The following GALNT14 variants were observed in gnomAD, a reference collection of about 807,000 sequenced individuals.
GALNT14 encodes the protein polypeptide N-acetylgalactosaminyltransferase 14, also known as UDP-GalNAc:polypeptide N-acetylgalactosaminyltransferase 14.
In GALNT14, 60 loss-of-function variants were observed where a neutral mutation model predicts 77.5. The ratio of observed to expected loss-of-function variants is 0.77; its 90% CI spans 0.63 to 0.96. The LOEUF (loss-of-function observed/expected upper bound fraction) is 0.96. GALNT14 is among the 40% of genes least tolerant of loss of function. The pLI, the probability that GALNT14 is intolerant of heterozygous loss-of-function variation, is 0.00. For missense variants in GALNT14, 710 were observed against 731.0 expected (o/e 0.97, Z 0.33); for synonymous variants, 280 against 281.7 (o/e 0.99, Z 0.06).
intron 1 of GALNT14, among the ~76,000 whole-genome samples, chr2:31,021,458 C>T (rs79039287): frequency 0.036 from 5,448 of 151,586 alleles, 316 homozygotes; most frequent in African/African-American, 0.12. Flanking sequence ...GCGCCCACCA[C>T]GACACCTGGC....
chr2:30,944,581 T>C (rs950463731), intron 8 of GALNT14, among the ~76,000 whole-genome samples: 1 of 152,148 alleles, frequency 6.6e-6, no homozygotes, highest in Non-Finnish European at 1.5e-5. Flanking sequence ...CAACCAACGT[T>C]GGGCTCCGAC....
intron 1 of GALNT14, among the ~76,000 whole-genome samples, chr2:31,016,737 C>G (rs1671390390): frequency 6.6e-6 from 1 of 152,284 alleles, no homozygotes; most frequent in East Asian, 1.9e-4. Context: ...TTGAAATCTC[C>G]TACTATGAGA....
intron 1 of GALNT14, among the ~76,000 whole-genome samples, chr2:31,075,818 C>T (rs1374192287): frequency 1.3e-5 from 2 of 152,244 alleles, no homozygotes; most frequent in African/African-American, 4.8e-5. Flanking sequence ...TTCCCCCATG[C>T]TGGGCTTTGC....
At chr2:30,976,586 G>A (rs1668638938) in intron 2 of GALNT14, among the ~76,000 whole-genome samples, 1 of 149,598 alleles carries the variant, frequency 6.7e-6, no homozygotes. Context: ...CCACCCAGAC[G>A]GCAGCTGTGT....
chr2:31,047,029 G>C (rs1035227087), intron 1 of GALNT14, among the ~76,000 whole-genome samples: 14 of 152,186 alleles, frequency 9.2e-5, no homozygotes, highest in Admixed American at 7.8e-4. Context: ...GGCTTGGCTG[G>C]AAGTAGAACC....
At chr2:30,974,937 G>T (rs1267128845) in intron 2 of GALNT14, among the ~76,000 whole-genome samples, 1 of 152,222 alleles carries the variant, frequency 6.6e-6, no homozygotes, top group Non-Finnish European at 1.5e-5. Flanking sequence ...TGGGGTCAAA[G>T]CTGGAGAGGA....
chr2:31,111,771 G>A (rs1361236416), intron 1 of GALNT14, among the ~76,000 whole-genome samples: 1 of 151,846 alleles, frequency 6.6e-6, no homozygotes, highest in Admixed American at 6.6e-5. Context: ...TTCACACAAA[G>A]GTCCTTATCC....
intron 2 of GALNT14, among the ~76,000 whole-genome samples, chr2:30,972,045 G>A (rs1343835312): frequency 6.6e-6 from 1 of 152,248 alleles, no homozygotes; most frequent in Admixed American, 6.5e-5. Context: ...CCTGCGGCAT[G>A]CTGCCTTCAT....
At chr2:30,909,351 A>G (rs896922964), downstream of GALNT14, among the ~76,000 whole-genome samples, 9 of 151,902 alleles carry the variant, frequency 5.9e-5, no homozygotes, top group African/African-American at 2.2e-4. Flanking sequence ...ATGAACTCAG[A>G]CAAATTTACA....
At chr2:31,049,667 G>A (rs928578011) in intron 1 of GALNT14, among the ~76,000 whole-genome samples, 3 of 152,218 alleles carry the variant, frequency 2.0e-5, no homozygotes, top group African/African-American at 7.2e-5. Context: ...AAGGTAGGCA[G>A]CTCTTCTCAG....
At chr2:31,081,330 A>G (rs1676146356) in intron 1 of GALNT14, among the ~76,000 whole-genome samples, 1 of 152,260 alleles carries the variant, frequency 6.6e-6, no homozygotes, top group Non-Finnish European at 1.5e-5. Flanking sequence ...CTCTACACAT[A>G]GCAAGAATGT....
At chr2:31,034,628 T>C (rs1672602707) in intron 1 of GALNT14, among the ~76,000 whole-genome samples, 1 of 152,230 alleles carries the variant, frequency 6.6e-6, no homozygotes, top group African/African-American at 2.4e-5. Flanking sequence ...TCAGTTGTTT[T>C]AGATTTAGTT....
intron 4 of GALNT14, among the ~76,000 whole-genome samples, chr2:30,957,002 A>C (rs1020533099): frequency 1.3e-5 from 2 of 152,078 alleles, no homozygotes; most frequent in East Asian, 3.9e-4. Context: ...AGGAAACCCC[A>C]TCCTAAGCAT....
At chr2:30,912,172 G>A (rs2148196618) in intron 14 of GALNT14, 51 bp downstream of exon 14, 2 of 1,603,634 alleles carry the variant, frequency 1.2e-6, no homozygotes, top group Non-Finnish European at 1.7e-6. Flanking sequence ...CCCTCAACAG[G>A]CAGTCACATT....
chr2:31,107,277 T>C (rs979695664), intron 1 of GALNT14, among the ~76,000 whole-genome samples: 1 of 152,158 alleles, frequency 6.6e-6, no homozygotes, highest in Non-Finnish European at 1.5e-5. Context: ...AAATAAGAGA[T>C]GTTGCTTTGC....
At chr2:30,912,954 C>T (rs1345887054) in intron 13 of GALNT14, among the ~76,000 whole-genome samples, 1 of 152,152 alleles carries the variant, frequency 6.6e-6, no homozygotes, top group African/African-American at 2.4e-5. Flanking sequence ...CAGGAGGGTG[C>T]ATGTGCCAGG....
At chr2:31,039,276 GA>G (rs1409788614) in intron 1 of GALNT14, among the ~76,000 whole-genome samples, 1 of 152,128 alleles carries the variant, frequency 6.6e-6, no homozygotes, top group Non-Finnish European at 1.5e-5. Context: ...TTCCTGCCTG[GA>G]ATGTTTAATT....
chr2:30,973,419 G>A (rs549246072), intron 2 of GALNT14, among the ~76,000 whole-genome samples: 22 of 152,262 alleles, frequency 1.4e-4, no homozygotes, highest in South Asian at 6.2e-4. Flanking sequence ...TTTCCAGAAC[G>A]TCAGTTATCT....
At chr2:31,071,793 A>G (rs562297608) in intron 1 of GALNT14, among the ~76,000 whole-genome samples, 133 of 152,308 alleles carry the variant, frequency 8.7e-4, no homozygotes, top group Middle Eastern at 3.4e-3. Context: ...GGCAGGACGG[A>G]CTGCAGAGTT....
Sources: gnomAD v4.1 joint callset for allele counts (sites outside exome capture counted in the v4.1 genomes callset) on GRCh38, gnomAD v4.1.1 for gene constraint, MANE v1.5 for transcripts, NCBI Gene and HGNC (gene_info 2026-07-23, HGNC 2026-07-21) for gene names.